Variants in PXT1 observed in about 807,000 individuals in gnomAD.
PXT1 encodes peroxisomal testis-specific protein 1.
PXT1 carries 11 observed loss-of-function variants against 11.0 expected under a neutral mutation model. The observed-to-expected ratio is 1.00, with a 90% confidence interval of 0.63 to 1.66. PXT1 has a LOEUF of 1.66. PXT1 is among the 40% of genes most tolerant of loss of function. The pLI, the probability that PXT1 is intolerant of heterozygous loss-of-function variation, is 0.00. For missense variants in PXT1, 141 were observed against 155.5 expected (o/e 0.91, Z 0.49); for synonymous variants, 43 against 51.4 (o/e 0.84, Z 0.70).
intron 3 of PXT1, among the ~76,000 whole-genome samples, chr6:36,414,892 G>A (rs1774427309): frequency 6.6e-6 from 1 of 152,088 alleles, no homozygotes. Context: ...TCTTTTATGA[G>A]GATTTTAGAG....
At chr6:36,406,200 T>C (rs1355289368) in intron 3 of PXT1, among the ~76,000 whole-genome samples, 1 of 152,212 alleles carries the variant, frequency 6.6e-6, no homozygotes, top group Non-Finnish European at 1.5e-5. Context: ...CTTTCCTACA[T>C]GTTCCCACCA....
At chr6:36,402,536 C>T (rs1293071189) in intron 3 of PXT1, among the ~76,000 whole-genome samples, 3 of 152,158 alleles carry the variant, frequency 2.0e-5, no homozygotes, top group Non-Finnish European at 4.4e-5. Flanking sequence ...GTCAGGAAGA[C>T]ATCTGAAACG....
intron 2 of PXT1, among the ~76,000 whole-genome samples, chr6:36,434,811 C>T (rs56763433): frequency 0.24 from 36,967 of 152,070 alleles, 4,688 homozygotes; most frequent in East Asian, 0.38. Flanking sequence ...AAAGATTTGT[C>T]TTTAGTTAAG....
intron 3 of PXT1, among the ~76,000 whole-genome samples, chr6:36,405,255 T>A (rs1460185375): frequency 3.9e-5 from 6 of 152,206 alleles, no homozygotes; most frequent in African/African-American, 1.4e-4. Flanking sequence ...AGAAAATAAT[T>A]TTGTACAGCT....
At chr6:36,432,533 GAGA>G (rs889101647) in intron 2 of PXT1, among the ~76,000 whole-genome samples, 1 of 152,114 alleles carries the variant, frequency 6.6e-6, no homozygotes, top group African/African-American at 2.4e-5. Flanking sequence ...TAAGTGCTTA[GAGA>G]AGAAGAAAAC....
At chr6:36,440,460 C>A (rs1252680178) in intron 1 of PXT1, among the ~76,000 whole-genome samples, 1 of 151,832 alleles carries the variant, frequency 6.6e-6, no homozygotes, top group Non-Finnish European at 1.5e-5. Context: ...GTCCCAGCTA[C>A]TCGAGAGGCT....
chr6:36,405,552 T>C (rs1363362552), intron 3 of PXT1, among the ~76,000 whole-genome samples: 1 of 151,982 alleles, frequency 6.6e-6, no homozygotes, highest in Non-Finnish European at 1.5e-5. Flanking sequence ...CTTTTTGTAG[T>C]TTTTTAGTAG....
At chr6:36,400,853 C>T (rs1269420568) in intron 3 of PXT1, among the ~76,000 whole-genome samples, 7 of 151,914 alleles carry the variant, frequency 4.6e-5, no homozygotes, top group African/African-American at 1.7e-4. Flanking sequence ...GCCTGTAATC[C>T]CTGCTACTCA....
chr6:36,412,592 G>A (rs62403759), intron 3 of PXT1, among the ~76,000 whole-genome samples: 9,014 of 151,468 alleles, frequency 0.06, 460 homozygotes, highest in African/African-American at 0.14. Context: ...CCTGGAAGGC[G>A]GAGGTTGCAG....
At chr6:36,429,281 A>AAAAAGAAAAAAAAGAAAAAG in intron 2 of PXT1, among the ~76,000 whole-genome samples, 1 of 139,078 alleles carries the variant, frequency 7.2e-6, no homozygotes, top group African/African-American at 2.7e-5. Flanking sequence ...CAAAAAAAAA[A>AAAAAGAAAAAAAAGAAAAAG]AAAAATTGCA....
intron 3 of PXT1, among the ~76,000 whole-genome samples, chr6:36,403,119 C>A (rs1215696593): frequency 1.3e-5 from 2 of 152,086 alleles, no homozygotes; most frequent in Non-Finnish European, 2.9e-5. Context: ...TTCGGCCTCC[C>A]AAATGGTGGG....
rs549315838 is a variant in PXT1, at chr6:36,418,315, G to A, written c.169+7599C>T. 2.0e-4 allele frequency among the ~76,000 whole-genome samples: 31 copies of A among 152,242 alleles called. No homozygotes were observed. The South Asian group carries it at 5.0e-3, about 24-fold the overall frequency. On this transcript the variant is annotated intron_variant, in intron 3 of 4. Coordinates refer to ENST00000454782, the MANE Select transcript of PXT1 (RefSeq NM_152990.4). ...ACATGCACCCAGGGTTAAGAATCAC[G>A]GATCTAGAAAACTGGAAAACATGAC... is the stretch of plus-strand genomic sequence containing the variant.
At chr6:36,391,997 T>G in intron 4 of PXT1, 123 bp from the exon 5 acceptor site, 1 of 667,840 alleles carries the variant, frequency 1.5e-6, no homozygotes, top group South Asian at 1.9e-5. Context: ...GCAAACAAGC[T>G]TCTTGGGTTG....
intron 1 of PXT1, 64 bp downstream of exon 1, chr6:36,442,470 GT>G (rs970590052): frequency 4.6e-5 from 7 of 152,170 alleles, no homozygotes; most frequent in African/African-American, 1.7e-4. Flanking sequence ...TCATAACACA[GT>G]TTTCCCAGTA....
chr6:36,412,369 TA>T (rs1186632848), intron 3 of PXT1, among the ~76,000 whole-genome samples: 2 of 141,026 alleles, frequency 1.4e-5, no homozygotes, highest in African/African-American at 2.7e-5. Flanking sequence ...AAAACAAAAA[TA>T]AAAAAAATAG....
chr6:36,434,602 G>C (rs577622946), intron 2 of PXT1, among the ~76,000 whole-genome samples: 1 of 152,074 alleles, frequency 6.6e-6, no homozygotes, highest in Non-Finnish European at 1.5e-5. Context: ...TGAAATAGTT[G>C]GGTGTATAAA....
rs7450531 is a variant in PXT1, at chr6:36,435,128, T to G, written c.-10+3639A>C. ...AAAAAAGAAAAATTAGCAAAAGCTTTAGAGAAGAAATTATCAAAGAAACAA... is the reference window on the plus strand; with the variant it reads ...AAAAAAGAAAAATTAGCAAAAGCTTGAGAGAAGAAATTATCAAAGAAACAA... On this transcript the variant is annotated intron_variant, in intron 2 of 4. Coordinates refer to ENST00000454782, the MANE Select transcript of PXT1 (RefSeq NM_152990.4). Among the ~76,000 whole-genome samples, 1,309 of 152,154 alleles carry G rather than the reference T, an allele frequency of 8.6e-3. 21 individuals are homozygous for G. The highest frequency in any genetic ancestry group is 0.03 in the African/African-American group (1,252 of 41,538).
At chr6:36,401,886 ATG>A (rs1034789747) in intron 3 of PXT1, among the ~76,000 whole-genome samples, 9 of 148,544 alleles carry the variant, frequency 6.1e-5, no homozygotes, top group African/African-American at 9.8e-5. Flanking sequence ...TATATTATAT[ATG>A]TGTGTGTATA....
At chr6:36,435,365 C>T (rs1774746707) in intron 2 of PXT1, among the ~76,000 whole-genome samples, 1 of 152,150 alleles carries the variant, frequency 6.6e-6, no homozygotes, top group Non-Finnish European at 1.5e-5. Context: ...CAAGACCAGC[C>T]TGGCCAAGAT....
Sources: gnomAD v4.1 joint callset for allele counts (sites outside exome capture counted in the v4.1 genomes callset) on GRCh38, gnomAD v4.1.1 for gene constraint, MANE v1.5 for transcripts, NCBI Gene and HGNC (gene_info 2026-07-23, HGNC 2026-07-21) for gene names.